Variants in NEGR1 observed in about 807,000 individuals in gnomAD.
NEGR1 encodes the protein IgLON family member 4.
A neutral mutation model predicts 40.9 loss-of-function variants in NEGR1; 10 were observed. The ratio of observed to expected loss-of-function variants is 0.24; its 90% CI spans 0.15 to 0.42. The LOEUF is 0.42. Ranked by LOEUF, NEGR1 falls within the 10% of genes least tolerant of loss-of-function variation. The probability of loss-of-function intolerance (pLI) is 1.00; values close to 1 mark genes in which losing one functional copy is unlikely to be tolerated. For missense variants in NEGR1, 352 were observed against 438.9 expected, an observed-to-expected ratio of 0.80 and a Z score of 1.77; for synonymous variants, 185 against 166.8, an observed-to-expected ratio of 1.11 and a Z score of -0.84.
At chr1:71,540,688 G>C (rs1017230918) in intron 6 of NEGR1, among the ~76,000 whole-genome samples, 2 of 151,682 alleles carry the variant, frequency 1.3e-5, no homozygotes, top group Non-Finnish European at 2.9e-5. Context: ...CTAAGACTTA[G>C]TCATATGAGG....
intron 6 of NEGR1, among the ~76,000 whole-genome samples, chr1:71,534,681 C>A (rs1296036570): frequency 2.0e-5 from 3 of 151,586 alleles, no homozygotes; most frequent in Admixed American, 2.0e-4. Context: ...AGAATTATTC[C>A]ATTTTCCATT....
At chr1:71,419,089 A>G (rs1383133638) in intron 6 of NEGR1, among the ~76,000 whole-genome samples, 2 of 152,268 alleles carry the variant, frequency 1.3e-5, no homozygotes, top group African/African-American at 2.4e-5. Flanking sequence ...GAGTCCAGTT[A>G]TGCACAGCTA....
intron 3 of NEGR1, among the ~76,000 whole-genome samples, chr1:71,731,644 T>C (rs1654872536): frequency 6.6e-6 from 1 of 152,218 alleles, no homozygotes; most frequent in Non-Finnish European, 1.5e-5. Context: ...TTTTCTTGGC[T>C]GTTCATCAGT....
chr1:71,719,918 T>G (rs561179157), intron 3 of NEGR1, among the ~76,000 whole-genome samples: 1 of 152,250 alleles, frequency 6.6e-6, no homozygotes, highest in Non-Finnish European at 1.5e-5. Context: ...TTACAAAATA[T>G]TATGTCCTGA....
intron 1 of NEGR1, among the ~76,000 whole-genome samples, chr1:72,078,616 C>T (rs567696946): frequency 3.3e-4 from 40 of 119,744 alleles, no homozygotes; most frequent in East Asian, 3.2e-3. Flanking sequence ...TTATCATATA[C>T]ACTCATATAT....
At chr1:72,279,245 G>GA (rs1656164608) in intron 1 of NEGR1, among the ~76,000 whole-genome samples, 1 of 152,088 alleles carries the variant, frequency 6.6e-6, no homozygotes, top group African/African-American at 2.4e-5. Context: ...TCCACTTAAG[G>GA]AAAGTTTTGT....
rs116448943 is a variant in NEGR1, at chr1:72,025,622, G to A, written c.177-90311C>T. 2.5e-3 allele frequency among the ~76,000 whole-genome samples: 384 copies of A among 152,218 alleles called. 2 individuals carry two copies. The highest frequency in any genetic ancestry group is 9.0e-3 in the African/African-American group (375 of 41,544). On this transcript the variant is annotated intron_variant, in intron 1 of 6. Coordinates refer to ENST00000357731, the MANE Select transcript of NEGR1 (RefSeq NM_173808.3). ...AAAAGTTACTGAAGAAGTTAAACAA[G>A]CACATGATGGAATAGGGAAAATAAA...
At chr1:72,077,708 G>A (rs1255439672) in intron 1 of NEGR1, among the ~76,000 whole-genome samples, 1 of 152,072 alleles carries the variant, frequency 6.6e-6, no homozygotes, top group East Asian at 1.9e-4. Context: ...AGGTCCTAGG[G>A]AGGCTGAGGT....
At chr1:71,741,157 G>A (rs1351500349) in intron 3 of NEGR1, among the ~76,000 whole-genome samples, 1 of 152,182 alleles carries the variant, frequency 6.6e-6, no homozygotes, top group Non-Finnish European at 1.5e-5. Context: ...GACACCCAGA[G>A]TCTGGGGTTG....
At chr1:71,756,851 A>T (rs1655760670) in intron 3 of NEGR1, among the ~76,000 whole-genome samples, 1 of 152,114 alleles carries the variant, frequency 6.6e-6, no homozygotes, top group Admixed American at 6.5e-5. Flanking sequence ...GAAAATAAAA[A>T]AAAAAAACCT....
intron 1 of NEGR1, among the ~76,000 whole-genome samples, chr1:72,196,307 T>TA (rs1272868730): frequency 6.6e-6 from 1 of 151,976 alleles, no homozygotes; most frequent in African/African-American, 2.4e-5. Flanking sequence ...AAACTCTAAA[T>TA]AAAAAACATT....
intron 4 of NEGR1, among the ~76,000 whole-genome samples, chr1:71,640,767 C>G (rs1651323197): frequency 6.6e-6 from 1 of 151,994 alleles, no homozygotes; most frequent in Non-Finnish European, 1.5e-5. Context: ...TCTAACTACT[C>G]TAACTTGGAG....
chr1:72,116,148 A>C (rs1197633077), intron 1 of NEGR1, among the ~76,000 whole-genome samples: 2 of 151,784 alleles, frequency 1.3e-5, no homozygotes, highest in Non-Finnish European at 2.9e-5. Flanking sequence ...CTTAAAAGAG[A>C]TACAGTAAAA....
At chr1:72,057,408 A>G (rs1304818411) in intron 1 of NEGR1, among the ~76,000 whole-genome samples, 1 of 151,564 alleles carries the variant, frequency 6.6e-6, no homozygotes, top group African/African-American at 2.4e-5. Flanking sequence ...AAATGCTCCT[A>G]TCGTCATAGT....
At chr1:72,214,160 C>T (rs1488685436) in intron 1 of NEGR1, among the ~76,000 whole-genome samples, 6 of 152,014 alleles carry the variant, frequency 3.9e-5, no homozygotes, top group African/African-American at 1.4e-4. Context: ...CAATAAAATT[C>T]AACACCCCTT....
intron 2 of NEGR1, among the ~76,000 whole-genome samples, chr1:71,831,181 C>T (rs760619814): frequency 2.6e-5 from 4 of 151,990 alleles, no homozygotes; most frequent in Middle Eastern, 3.4e-3. Context: ...TCTTTTAGGA[C>T]AGCCAGTTGT....
At chr1:71,826,135 C>T (rs968141199) in intron 2 of NEGR1, among the ~76,000 whole-genome samples, 1 of 151,888 alleles carries the variant, frequency 6.6e-6, no homozygotes, top group Non-Finnish European at 1.5e-5. Context: ...CTGATGTTCT[C>T]ATCTAAAATT....
At chr1:72,246,985 C>G (rs143378459) in intron 1 of NEGR1, among the ~76,000 whole-genome samples, 1 of 152,298 alleles carries the variant, frequency 6.6e-6, no homozygotes, top group Admixed American at 6.5e-5. Context: ...AGTAGCAGCC[C>G]GAGCTGTACC....
chr1:71,744,491 T>C (rs1173188947), intron 3 of NEGR1, among the ~76,000 whole-genome samples: 1 of 152,024 alleles, frequency 6.6e-6, no homozygotes, highest in Non-Finnish European at 1.5e-5. Flanking sequence ...GGATCAAGGT[T>C]GACTTTCATG....
Sources: allele counts gnomAD v4.1 joint callset (sites outside exome capture counted in the v4.1 genomes callset), GRCh38; gene constraint gnomAD v4.1.1; transcripts MANE v1.5; gene names NCBI Gene and HGNC (gene_info 2026-07-23, HGNC 2026-07-21).